PRKN: variants seen among roughly 807,000 people sequenced by gnomAD.
PRKN encodes the protein E3 ubiquitin-protein ligase parkin.
In PRKN, 56 loss-of-function variants were observed where a neutral mutation model predicts 59.5. That is an observed-to-expected ratio of 0.94 (90% CI 0.76 to 1.18). The LOEUF (loss-of-function observed/expected upper bound fraction) is 1.18, where lower values mean the gene tolerates loss of function less well. PRKN is among the 50% of genes most tolerant of loss of function. The probability of loss-of-function intolerance (pLI) is 0.00; values close to 1 mark genes in which losing one functional copy is unlikely to be tolerated. For synonymous variants in PRKN, 250 were observed against 222.1 expected, an observed-to-expected ratio of 1.13 and a Z score of -1.12; for missense variants, 657 against 596.4, an observed-to-expected ratio of 1.10 and a Z score of -1.06.
At chr6:162,691,122 G>A (rs1171101834) in intron 1 of PRKN, among the ~76,000 whole-genome samples, 32 of 151,994 alleles carry the variant, frequency 2.1e-4, no homozygotes, top group Admixed American at 1.9e-3. Context: ...TATCTGATAA[G>A]CATCCGATGA....
At chr6:162,463,987 A>G (rs1190967657) in intron 1 of PRKN, among the ~76,000 whole-genome samples, 4 of 152,202 alleles carry the variant, frequency 2.6e-5, no homozygotes, top group Admixed American at 2.0e-4. Context: ...TTAAACTGAA[A>G]TCAAAATACC....
intron 3 of PRKN, among the ~76,000 whole-genome samples, chr6:162,225,204 T>A (rs376843452): frequency 6.6e-6 from 1 of 152,114 alleles, no homozygotes; most frequent in Non-Finnish European, 1.5e-5. Flanking sequence ...CCTGCTCTCA[T>A]AGTAACTAAT....
rs1367487233 is a variant in PRKN at position 161,395,953 on chromosome 6, G to A, written c.1084-9076C>T. ...GCCAACAAATTAGAGGTCCAGGTTA[G>A]AGAGAAAGAAACAGTGAATGGGGGA... On this transcript the variant is annotated intron_variant, in intron 9 of 11. Transcript: ENST00000366898. This position sits in a 1 kb window ranked among gnomAD's most constrained non-coding sequence, Gnocchi z 5.0. 6.6e-6 allele frequency among the ~76,000 whole-genome samples: 1 copy of A among 152,124 alleles called. No homozygotes were observed. Among genetic ancestry groups the A allele is most frequent in the Non-Finnish European group, 1.5e-5 (1 of 67,982 alleles).
chr6:161,746,900 A>T (rs1340443429), intron 7 of PRKN, among the ~76,000 whole-genome samples: 1 of 151,018 alleles, frequency 6.6e-6, no homozygotes, highest in Admixed American at 6.6e-5. Flanking sequence ...CTATGTATGT[A>T]TGTATAATAC....
intron 6 of PRKN, among the ~76,000 whole-genome samples, chr6:161,865,034 GA>G (rs1157324269): frequency 6.6e-6 from 1 of 152,126 alleles, no homozygotes; most frequent in African/African-American, 2.4e-5. Context: ...GCAATTCTTA[GA>G]AGTCAAAAAA....
At chr6:162,352,717 G>A (rs771487058) in intron 2 of PRKN, among the ~76,000 whole-genome samples, 25 of 152,192 alleles carry the variant, frequency 1.6e-4, no homozygotes, top group Admixed American at 5.9e-4. Context: ...CTTTTCCATT[G>A]CTCTTCTCTA....
chr6:161,696,121 A>G (rs1233956773), intron 7 of PRKN, among the ~76,000 whole-genome samples: 1 of 152,208 alleles, frequency 6.6e-6, no homozygotes, highest in Non-Finnish European at 1.5e-5. Flanking sequence ...GAAAGAGAAG[A>G]TATTAAATAG....
At chr6:162,529,729 C>T (rs781373923) in intron 1 of PRKN, among the ~76,000 whole-genome samples, 19 of 152,160 alleles carry the variant, frequency 1.2e-4, no homozygotes, top group Non-Finnish European at 2.4e-4. Context: ...CAACTGAAGT[C>T]CATCCCTAGG....
chr6:162,540,146 C>T (rs1233638568), intron 1 of PRKN, among the ~76,000 whole-genome samples: 1 of 152,142 alleles, frequency 6.6e-6, no homozygotes, highest in African/African-American at 2.4e-5. Flanking sequence ...GAACTCCTGA[C>T]CTCAGGTGAT....
Position 162,102,285 on chromosome 6 carries a change from G to T in PRKN, c.535-48111C>A, listed in dbSNP as rs189397228. Among the ~76,000 whole-genome samples, 63 of 152,170 alleles carry T rather than the reference G, an allele frequency of 4.1e-4. 1 individual carries two copies. Among genetic ancestry groups the T allele is most frequent in the Middle Eastern group, 6.8e-3 (2 of 294 alleles). On this transcript the variant is annotated intron_variant, in intron 4 of 11. Transcript: ENST00000366898. ...CTCCCACTTATAAGTGAGAAGGTGC[G>T]GTGTCTGGTTTTCTGTTCCTGCATT...
chr6:161,716,076 G>A (rs529360306), intron 7 of PRKN: 5 of 1,337,778 alleles, frequency 3.7e-6, no homozygotes, highest in East Asian at 4.6e-5. Flanking sequence ...CCATCTTACC[G>A]ACTCCTCTCC....
At chr6:162,312,130 A>G (rs1361464625) in intron 2 of PRKN, among the ~76,000 whole-genome samples, 3 of 152,212 alleles carry the variant, frequency 2.0e-5, no homozygotes, top group African/African-American at 7.2e-5. Context: ...TCAATTATTT[A>G]AGATAACAAA....
intron 5 of PRKN, among the ~76,000 whole-genome samples, chr6:162,022,311 T>C (rs1783238808): frequency 1.3e-5 from 2 of 152,208 alleles, no homozygotes; most frequent in African/African-American, 4.8e-5. Context: ...ACCAACAGTG[T>C]ATAAGCACTC....
rs1562409173 is a variant in PRKN at position 162,584,819 on chromosome 6, TCCCC to T, written c.8-141350_8-141347del. Among the ~76,000 whole-genome samples, 8 of 6,672 alleles carry T rather than the reference TCCCC, an allele frequency of 1.2e-3. 1 individual carries two copies. Among genetic ancestry groups the T allele is most frequent in the Non-Finnish European group, 1.3e-3 (6 of 4,768 alleles). The allele number at this position is 6,672 out of a possible 152,430, so 4.4% of individuals were successfully genotyped here. A position where few individuals can be genotyped will look rare whatever the true frequency, so the allele number is the denominator to read the frequency against. Reference sequence around the variant, plus strand: ...TCCCCTCCCCTCCCCTCCCCTCCCCTCCCCTCCCCTGTCCCATCCCCTCCCCTCC... The same window carrying T: ...TCCCCTCCCCTCCCCTCCCCTCCCCTTCCCCTGTCCCATCCCCTCCCCTCC... On this transcript the variant is annotated intron_variant, in intron 1 of 11. Coordinates refer to ENST00000366898, the MANE Select transcript of PRKN (RefSeq NM_004562.3).
chr6:161,574,322 A>G (rs1024436952), intron 7 of PRKN, among the ~76,000 whole-genome samples: 1 of 152,130 alleles, frequency 6.6e-6, no homozygotes, highest in Non-Finnish European at 1.5e-5. Context: ...GGCAGAGAGG[A>G]AAACATGGGC....
intron 8 of PRKN, among the ~76,000 whole-genome samples, chr6:161,555,878 A>G (rs1780220419): frequency 6.6e-6 from 1 of 152,232 alleles, no homozygotes. Context: ...TAAGATAATC[A>G]ATAGCAATGG....
chr6:162,533,751 A>G (rs1778605087), intron 1 of PRKN, among the ~76,000 whole-genome samples: 1 of 152,126 alleles, frequency 6.6e-6, no homozygotes. Context: ...CGGGCGGATC[A>G]CCTGAGGTCA....
intron 3 of PRKN, among the ~76,000 whole-genome samples, chr6:162,261,958 G>A (rs1779906161): frequency 6.6e-6 from 1 of 152,084 alleles, no homozygotes; most frequent in Non-Finnish European, 1.5e-5. Flanking sequence ...TATGTGGGAG[G>A]AAAATCAACT....
At chr6:162,632,260 T>A (rs181222976) in intron 1 of PRKN, among the ~76,000 whole-genome samples, 1 of 152,186 alleles carries the variant, frequency 6.6e-6, no homozygotes, top group Non-Finnish European at 1.5e-5. Flanking sequence ...TAAACTCAGG[T>A]GTCCATCAAT....
Sources: gnomAD v4.1 joint callset for allele counts (sites outside exome capture counted in the v4.1 genomes callset) on GRCh38, gnomAD v4.1.1 for gene constraint, Gnocchi (gnomAD v3.1) non-coding constraint, MANE v1.5 for transcripts, NCBI Gene and HGNC (gene_info 2026-07-23, HGNC 2026-07-21) for gene names.